PBX1: variants seen among roughly 807,000 people sequenced by gnomAD.
PBX1 encodes the protein PBX homeobox 1.
A neutral mutation model predicts 53.4 loss-of-function variants in PBX1; 6 were observed. That is an observed-to-expected ratio of 0.11 (90% CI 0.06 to 0.22). The LOEUF (loss-of-function observed/expected upper bound fraction) is 0.22, where lower values mean the gene tolerates loss of function less well. Ranked by LOEUF, PBX1 falls within the 10% of genes least tolerant of loss-of-function variation. The probability of loss-of-function intolerance (pLI) is 1.00; values close to 1 mark genes in which losing one functional copy is unlikely to be tolerated. For missense variants in PBX1, 251 were observed against 551.4 expected (o/e 0.46, Z 5.46); for synonymous variants, 204 against 212.3 (o/e 0.96, Z 0.34).
intron 6 of PBX1, 36 bp from the exon 7 acceptor site, chr1:164,820,036 T>G: frequency 1.5e-6 from 2 of 1,345,304 alleles, no homozygotes; most frequent in Non-Finnish European, 2.1e-6. Context: ...GCCTTTTCCT[T>G]TCTGTGATTC....
intron 2 of PBX1, among the ~76,000 whole-genome samples, chr1:164,764,748 CTATA>C: frequency 6.6e-6 from 1 of 152,140 alleles, no homozygotes; most frequent in Non-Finnish European, 1.5e-5. Flanking sequence ...GCCCACAAAT[CTATA>C]TATATAACTT....
Position 164,847,732 on chromosome 1 carries a change from G to A in PBX1, c.*1056G>A, listed in dbSNP as rs563837840. ...CTGTAGCACTATGCCTTTTGAGCCC[G>A]AGAGAGGGAATTAGTGACTCTAAGT... On this transcript the variant is annotated 3_prime_UTR_variant, in exon 9 of 9. Transcript: ENST00000420696. 33 of 1,053,502 alleles carry A rather than the reference G, an allele frequency of 3.1e-5. No homozygotes were observed. Among genetic ancestry groups the A allele is most frequent in the Admixed American group, 5.5e-5 (1 of 18,310 alleles). The allele number at this position is 1,053,502 out of a possible 1,614,324, so 65.3% of individuals were successfully genotyped here. A position where few individuals can be genotyped will look rare whatever the true frequency, so the allele number is the denominator to read the frequency against.
chr1:164,858,577 C>T (rs904302782), intron 2 of PBX1, among the ~76,000 whole-genome samples: 1 of 152,032 alleles, frequency 6.6e-6, no homozygotes, highest in Non-Finnish European at 1.5e-5. Flanking sequence ...CTAATGTTTC[C>T]TTTATGGATC....
At chr1:164,840,793 C>A (rs773135038) in intron 8 of PBX1, among the ~76,000 whole-genome samples, 2 of 152,154 alleles carry the variant, frequency 1.3e-5, no homozygotes, top group Non-Finnish European at 2.9e-5. Flanking sequence ...ATTAAAGTTA[C>A]CCAGAAACTT....
At position 164,625,860 on chromosome 1, in the gene PBX1, C is replaced by T. The variant is rs912490686; in HGVS notation, c.265+62549C>T. 9.6e-6 allele frequency: 8 copies of T among 829,574 alleles called. No individual in the cohort carries two copies. The African/African-American group carries it at 1.5e-4, about 15-fold the overall frequency. 51.4% of individuals were successfully genotyped at this position (829,574 alleles called of 1,614,324 possible). Reference sequence around the variant, plus strand: ...ACCTTACATGAATTATCCCATTCCCCCACCCTCCTTCTGCCTTTCTGTAAA... The same window carrying T: ...ACCTTACATGAATTATCCCATTCCCTCACCCTCCTTCTGCCTTTCTGTAAA... On this transcript the variant is annotated intron_variant, in intron 2 of 8. Coordinates refer to ENST00000420696, the MANE Select transcript of PBX1 (RefSeq NM_002585.4).
At chr1:164,660,387 A>G (rs1247103176) in intron 2 of PBX1, among the ~76,000 whole-genome samples, 1 of 152,234 alleles carries the variant, frequency 6.6e-6, no homozygotes, top group African/African-American at 2.4e-5. Context: ...GAGGCGTCTC[A>G]GCTGCAGCTG....
At chr1:164,591,749 C>T (rs1296071928) in intron 2 of PBX1, among the ~76,000 whole-genome samples, 1 of 152,230 alleles carries the variant, frequency 6.6e-6, no homozygotes, top group East Asian at 1.9e-4. Context: ...CAGACTTGTG[C>T]AGGTTTTCCT....
At chr1:164,735,347 A>G (rs1401096575) in intron 2 of PBX1, among the ~76,000 whole-genome samples, 2 of 152,224 alleles carry the variant, frequency 1.3e-5, no homozygotes, top group East Asian at 3.8e-4. Flanking sequence ...CGCAGATTTA[A>G]TGTAAGTATA....
chr1:164,592,357 A>C (rs1265219430), intron 2 of PBX1, among the ~76,000 whole-genome samples: 1 of 152,212 alleles, frequency 6.6e-6, no homozygotes. Flanking sequence ...TTTAAGGGAA[A>C]TCACAAAGCA....
At chr1:164,711,446 A>G (rs914929183) in intron 2 of PBX1, among the ~76,000 whole-genome samples, 2 of 152,088 alleles carry the variant, frequency 1.3e-5, no homozygotes, top group South Asian at 2.1e-4. Context: ...TGTATTTTTC[A>G]TAGAGACATG....
At chr1:164,833,889 C>CT (rs57482828) in intron 8 of PBX1, among the ~76,000 whole-genome samples, 6,711 of 139,082 alleles carry the variant, frequency 0.048, 171 homozygotes, top group East Asian at 0.076. Context: ...GCTTTTTGTA[C>CT]TTTTTTTTTT....
chr1:164,776,630 C>T (rs1384099775), intron 2 of PBX1, among the ~76,000 whole-genome samples: 2 of 152,084 alleles, frequency 1.3e-5, no homozygotes, highest in Non-Finnish European at 1.5e-5. Flanking sequence ...GAATTGTGCC[C>T]CAAGGGGGAT....
intron 2 of PBX1, among the ~76,000 whole-genome samples, chr1:164,652,873 C>CT (rs34214272): frequency 0.29 from 41,963 of 142,660 alleles, 7,145 homozygotes; most frequent in African/African-American, 0.48. Context: ...CCTGTTTAAA[C>CT]TTTTTTTTTT....
At chr1:164,854,492 G>A (rs1007946749), downstream of PBX1, among the ~76,000 whole-genome samples, 1 of 152,078 alleles carries the variant, frequency 6.6e-6, no homozygotes, top group African/African-American at 2.4e-5. Context: ...AGTTCAAGAA[G>A]GTTGTTTTAA....
At chr1:164,729,399 A>G (rs1251663936) in intron 2 of PBX1, among the ~76,000 whole-genome samples, 2 of 152,130 alleles carry the variant, frequency 1.3e-5, no homozygotes, top group Admixed American at 1.3e-4. Flanking sequence ...TTATCATCCA[A>G]AAACATTTTG....
chr1:164,609,432 C>T (rs916920000), intron 2 of PBX1, among the ~76,000 whole-genome samples: 2 of 152,120 alleles, frequency 1.3e-5, no homozygotes, highest in Non-Finnish European at 2.9e-5. Context: ...TGGCAGGACA[C>T]GTATAACAGT....
At chr1:164,796,758 G>A (rs1173764448) in intron 3 of PBX1, among the ~76,000 whole-genome samples, 1 of 152,204 alleles carries the variant, frequency 6.6e-6, no homozygotes, top group Non-Finnish European at 1.5e-5. Flanking sequence ...CCCTATGGAG[G>A]CAGCCTGAGC....
At chr1:164,856,819 C>T (rs545200292), downstream of PBX1, among the ~76,000 whole-genome samples, 7 of 152,254 alleles carry the variant, frequency 4.6e-5, no homozygotes, top group East Asian at 9.7e-4. Context: ...TCTGAATCAC[C>T]AGTGAGAACA....
At chr1:164,748,226 A>C (rs938502966) in intron 2 of PBX1, among the ~76,000 whole-genome samples, 5 of 152,192 alleles carry the variant, frequency 3.3e-5, no homozygotes, top group African/African-American at 1.2e-4. Context: ...ATAAATAGTA[A>C]TTGTACAATA....
Sources: gnomAD v4.1 joint callset for allele counts (sites outside exome capture counted in the v4.1 genomes callset) on GRCh38, gnomAD v4.1.1 for gene constraint, MANE v1.5 for transcripts, NCBI Gene and HGNC (gene_info 2026-07-23, HGNC 2026-07-21) for gene names.